Variants in MTDH observed in about 807,000 individuals in gnomAD.
MTDH encodes metadherin, also known as protein LYRIC.
MTDH carries 34 observed loss-of-function variants against 72.7 expected under a neutral mutation model. The observed-to-expected ratio is 0.47, with a 90% CI of 0.36 to 0.62. MTDH has a LOEUF of 0.62. Among genes scored for constraint, MTDH ranks in the 20% least tolerant of loss-of-function variants. The pLI is 0.00. For synonymous variants in MTDH, 266 were observed against 268.9 expected (o/e 0.99, Z 0.10); for missense variants, 677 against 699.4 (o/e 0.97, Z 0.36).
intron 10 of MTDH, among the ~76,000 whole-genome samples, chr8:97,720,301 G>A (rs1405657213): frequency 6.7e-6 from 1 of 149,036 alleles, no homozygotes; most frequent in Non-Finnish European, 1.5e-5. Flanking sequence ...AAGCAACCAG[G>A]TGCAGTGGCT....
intron 9 of MTDH, among the ~76,000 whole-genome samples, chr8:97,718,104 T>A (rs967967782): frequency 3.3e-5 from 5 of 151,994 alleles, no homozygotes; most frequent in African/African-American, 1.2e-4. Context: ...CAGGCTGGAG[T>A]GCAGTGGCGA....
chr8:97,657,352 TTTGA>T (rs1487215253), intron 1 of MTDH, among the ~76,000 whole-genome samples: 3 of 152,200 alleles, frequency 2.0e-5, no homozygotes, highest in African/African-American at 4.8e-5. Flanking sequence ...ATGAAATAAC[TTTGA>T]TTGGCCCTGG....
chr8:97,660,028 ATGCACC>A (rs1812118172), intron 1 of MTDH, among the ~76,000 whole-genome samples: 2 of 152,242 alleles, frequency 1.3e-5, no homozygotes, highest in African/African-American at 4.8e-5. Context: ...GCGTGGTGGC[ATGCACC>A]TGTAATCTCA....
chr8:97,651,574 T>C (rs1189947389), intron 1 of MTDH, among the ~76,000 whole-genome samples: 1 of 152,214 alleles, frequency 6.6e-6, no homozygotes, highest in Non-Finnish European at 1.5e-5. Context: ...GCTCTGTGCA[T>C]GTGCGTGTCC....
chr8:97,646,612 G>A (rs1811572554), intron 1 of MTDH, among the ~76,000 whole-genome samples: 3 of 152,132 alleles, frequency 2.0e-5, no homozygotes, highest in Non-Finnish European at 2.9e-5. Context: ...GAACCCATCC[G>A]ACATGCGTTA....
intron 8 of MTDH, among the ~76,000 whole-genome samples, chr8:97,710,947 C>T: frequency 6.6e-6 from 1 of 151,692 alleles, no homozygotes; most frequent in Non-Finnish European, 1.5e-5. Context: ...TTGCAGTGAG[C>T]CAAGATGGCA....
intron 9 of MTDH, among the ~76,000 whole-genome samples, chr8:97,718,499 T>TTTTTG (rs1563570234): frequency 2.0e-5 from 3 of 147,564 alleles, no homozygotes; most frequent in African/African-American, 7.8e-5. Context: ...TTGTGGGTTT[T>TTTTTG]TTTTTGTTTT....
At chr8:97,663,817 T>G (rs2130939420) in intron 2 of MTDH, among the ~76,000 whole-genome samples, 1 of 152,224 alleles carries the variant, frequency 6.6e-6, no homozygotes, top group Non-Finnish European at 1.5e-5. Context: ...ATTTCCTTAT[T>G]TTCACAAGGG....
At chr8:97,676,544 A>T (rs539232030) in intron 2 of MTDH, among the ~76,000 whole-genome samples, 1 of 152,332 alleles carries the variant, frequency 6.6e-6, no homozygotes, top group South Asian at 2.1e-4. Context: ...CTAATAAGTG[A>T]TACCACTTAT....
intron 2 of MTDH, among the ~76,000 whole-genome samples, chr8:97,685,941 A>T (rs1813345917): frequency 2.0e-5 from 3 of 152,200 alleles, no homozygotes; most frequent in Admixed American, 2.0e-4. Flanking sequence ...GAAAGGATAG[A>T]ATAATATTAG....
chr8:97,647,585 C>T (rs1006266659), intron 1 of MTDH, among the ~76,000 whole-genome samples: 6 of 152,070 alleles, frequency 3.9e-5, no homozygotes, highest in African/African-American at 1.4e-4. Flanking sequence ...GCCTGAGAAA[C>T]AACAAAGGCC....
At chr8:97,676,250 T>C (rs974432843) in intron 2 of MTDH, among the ~76,000 whole-genome samples, 2 of 152,092 alleles carry the variant, frequency 1.3e-5, no homozygotes, top group Non-Finnish European at 2.9e-5. Flanking sequence ...ACAGAAGGTG[T>C]TTTATTTTTA....
intron 2 of MTDH, among the ~76,000 whole-genome samples, chr8:97,663,771 C>T (rs1484595392): frequency 1.4e-5 from 2 of 141,286 alleles, no homozygotes; most frequent in Middle Eastern, 3.6e-3. Context: ...AAAAAAAAGA[C>T]TTTATGGTTG....
intron 2 of MTDH, among the ~76,000 whole-genome samples, chr8:97,671,600 A>T (rs1249532235): frequency 6.6e-6 from 1 of 152,098 alleles, no homozygotes; most frequent in Non-Finnish European, 1.5e-5. Flanking sequence ...AGTGGCTCAG[A>T]CCTGTAATCC....
chr8:97,645,029 G>A lies in MTDH; in HGVS notation c.381+142G>A, dbSNP rs1213059366. The A allele has an allele frequency of 3.2e-6, 3 of 930,792 alleles. No homozygotes were observed. In the African/African-American group the frequency reaches 5.3e-5, roughly 17 times the overall value. The allele number at this position is 930,792 out of a possible 1,614,324, so 57.7% of individuals were successfully genotyped here. On this transcript the variant is annotated intron_variant, in intron 1 of 11. Transcript: ENST00000336273. ...GAGGCAGCACTCCCAAGTGGAGGAG[G>A]AGGTGATAGGTGGTCATGTTATTTG... is the stretch of plus-strand genomic sequence containing the variant.
At chr8:97,708,332 A>C (rs1814455688) in intron 8 of MTDH, among the ~76,000 whole-genome samples, 1 of 121,850 alleles carries the variant, frequency 8.2e-6, no homozygotes, top group South Asian at 2.9e-4. Context: ...CCCAGACTGG[A>C]GTGCAGTGGC....
chr8:97,668,607 T>C (rs936872465), intron 2 of MTDH, among the ~76,000 whole-genome samples: 1 of 151,716 alleles, frequency 6.6e-6, no homozygotes, highest in African/African-American at 2.4e-5. Context: ...CAGGCTGGAG[T>C]GCAATGGCAC....
chr8:97,699,656 TA>T (rs150495888), intron 6 of MTDH, 97 bp from the exon 7 acceptor site: 38,823 of 732,842 alleles, frequency 0.053, 1,323 homozygotes, highest in Non-Finnish European at 0.063. Flanking sequence ...GGAGAAATTT[TA>T]AAAATAAAGT....
intron 1 of MTDH, among the ~76,000 whole-genome samples, chr8:97,660,119 T>G (rs1812121423): frequency 6.6e-6 from 1 of 152,090 alleles, no homozygotes; most frequent in African/African-American, 2.4e-5. Context: ...AGATCACACC[T>G]TGGCAGTCCA....
Sources: allele counts gnomAD v4.1 joint callset (sites outside exome capture counted in the v4.1 genomes callset), GRCh38; gene constraint gnomAD v4.1.1; transcripts MANE v1.5; gene names NCBI Gene and HGNC (gene_info 2026-07-23, HGNC 2026-07-21).